Variants in SPMIP2 observed in about 807,000 individuals in gnomAD.
SPMIP2 encodes protein SPMIP2.
At chr4:159,006,447 T>G in the SPMIP2 span, among the ~76,000 whole-genome samples, 2 of 152,222 alleles carry the variant, frequency 1.3e-5, no homozygotes, top group Non-Finnish European at 2.9e-5. Context: ...TACTCATCCC[T>G]GAAACCTGCC....
chr4:159,048,263 G>A, the SPMIP2 span, among the ~76,000 whole-genome samples: 1 of 152,192 alleles, frequency 6.6e-6, no homozygotes, highest in Non-Finnish European at 1.5e-5. Flanking sequence ...CCGAGCCTGT[G>A]CTATCTCCTG....
chr4:159,015,290 T>C, the SPMIP2 span, among the ~76,000 whole-genome samples: 1 of 152,174 alleles, frequency 6.6e-6, no homozygotes, highest in Non-Finnish European at 1.5e-5. Context: ...AAACAATTCC[T>C]TTACTGAAGG....
the SPMIP2 span, among the ~76,000 whole-genome samples, chr4:159,040,270 C>G: frequency 6.6e-6 from 1 of 151,058 alleles, no homozygotes; most frequent in Non-Finnish European, 1.5e-5. Flanking sequence ...CTCCCAGGTT[C>G]AAGCAATTCT....
At chr4:159,027,141 T>A in the SPMIP2 span, among the ~76,000 whole-genome samples, 2 of 152,096 alleles carry the variant, frequency 1.3e-5, no homozygotes, top group Non-Finnish European at 2.9e-5. Flanking sequence ...ATAATATGTC[T>A]TATGAAAAGA....
At chr4:158,905,542 G>A in the SPMIP2 span, 2 of 152,204 alleles carry the variant, frequency 1.3e-5, no homozygotes, top group African/African-American at 2.4e-5. Context: ...AAAGCAATTA[G>A]CTTGAACATT....
At chr4:158,983,719 G>C in the SPMIP2 span, among the ~76,000 whole-genome samples, 1 of 75,546 alleles carries the variant, frequency 1.3e-5, no homozygotes, top group African/African-American at 5.4e-5. Flanking sequence ...ATCGAGACTA[G>C]GAAGAAACTG....
chr4:158,988,211 A>C, the SPMIP2 span, among the ~76,000 whole-genome samples: 2 of 152,226 alleles, frequency 1.3e-5, no homozygotes, highest in Non-Finnish European at 2.9e-5. Context: ...AAATGCCTGA[A>C]TAGACCAATA....
the SPMIP2 span, among the ~76,000 whole-genome samples, chr4:159,081,034 T>TTC: frequency 7.1e-6 from 1 of 139,972 alleles, no homozygotes; most frequent in African/African-American, 2.7e-5. Flanking sequence ...CTTTGTTTCT[T>TTC]TCTCTTTTTT....
At chr4:158,909,306 C>T in the SPMIP2 span, 1 of 151,566 alleles carries the variant, frequency 6.6e-6, no homozygotes, top group Non-Finnish European at 1.5e-5. Context: ...GTAGATATTT[C>T]AAAATCCTTT....
chr4:159,001,130 G>A, the SPMIP2 span, among the ~76,000 whole-genome samples: 390 of 152,298 alleles, frequency 2.6e-3, 1 homozygote, highest in African/African-American at 9.2e-3. Flanking sequence ...CAGTATATGA[G>A]AGTTCTATTT....
the SPMIP2 span, among the ~76,000 whole-genome samples, chr4:159,013,331 C>T: frequency 6.6e-6 from 1 of 152,190 alleles, no homozygotes; most frequent in African/African-American, 2.4e-5. Context: ...ACAGAGGCAA[C>T]TCAAGTGTGG....
At chr4:159,013,414 A>T in the SPMIP2 span, among the ~76,000 whole-genome samples, 1 of 152,200 alleles carries the variant, frequency 6.6e-6, no homozygotes, top group African/African-American at 2.4e-5. Flanking sequence ...AAACAACAGA[A>T]ATTTATCTTC....
chr4:159,017,369 A>ACC, the SPMIP2 span, among the ~76,000 whole-genome samples: 1,103 of 151,722 alleles, frequency 7.3e-3, 18 homozygotes, highest in African/African-American at 0.025. Flanking sequence ...ACACACACAC[A>ACC]CACACACACA....
chr4:158,966,791 CT>C, the SPMIP2 span, among the ~76,000 whole-genome samples: 4 of 151,988 alleles, frequency 2.6e-5, no homozygotes, highest in Admixed American at 6.6e-5. Flanking sequence ...ACTTTGGGTC[CT>C]TTTTTTTCTT....
the SPMIP2 span, among the ~76,000 whole-genome samples, chr4:159,003,202 T>C: frequency 6.6e-6 from 1 of 152,216 alleles, no homozygotes; most frequent in South Asian, 2.1e-4. Flanking sequence ...AGCACATCAT[T>C]TCCTTTTTCA....
the SPMIP2 span, among the ~76,000 whole-genome samples, chr4:159,075,728 A>T: frequency 2.6e-5 from 4 of 152,084 alleles, no homozygotes; most frequent in East Asian, 7.7e-4. Flanking sequence ...ACATTTTTAG[A>T]TCCAATTAAA....
chr4:159,071,905 G>A, the SPMIP2 span, among the ~76,000 whole-genome samples: 1 of 152,226 alleles, frequency 6.6e-6, no homozygotes, highest in Non-Finnish European at 1.5e-5. Context: ...CTGGGGGTTA[G>A]TAGACCTGCA....
chr4:158,974,953 C>T, the SPMIP2 span, among the ~76,000 whole-genome samples: 1 of 152,196 alleles, frequency 6.6e-6, no homozygotes. Flanking sequence ...TATTTCTCAA[C>T]ATCCTCTCCA....
chr4:158,954,484 G>A, the SPMIP2 span, among the ~76,000 whole-genome samples: 3 of 152,110 alleles, frequency 2.0e-5, no homozygotes, highest in African/African-American at 7.2e-5. Flanking sequence ...CTAATACAAA[G>A]GAACTACAAG....
Sources: allele counts gnomAD v4.1 joint callset (sites outside exome capture counted in the v4.1 genomes callset), GRCh38; gene constraint gnomAD v4.1.1; transcripts MANE v1.5; gene names NCBI Gene and HGNC (gene_info 2026-07-23, HGNC 2026-07-21).